ATRNL1: variants seen among roughly 807,000 people sequenced by gnomAD.
ATRNL1 encodes attractin-like protein 1.
A neutral mutation model predicts 182.7 loss-of-function variants in ATRNL1; 95 were observed. The observed-to-expected ratio is 0.52, with a 90% CI of 0.44 to 0.62. The LOEUF (loss-of-function observed/expected upper bound fraction) is 0.62, where lower values mean the gene tolerates loss of function less well. ATRNL1 is among the 20% of genes least tolerant of loss of function. The pLI is 0.00. For synonymous variants in ATRNL1, 576 were observed against 568.3 expected, an observed-to-expected ratio of 1.01 and a Z score of -0.19; for missense variants, 1,471 against 1,679.5, an observed-to-expected ratio of 0.88 and a Z score of 2.17.
At chr10:115,695,081 A>T (rs1946516847) in intron 26 of ATRNL1, among the ~76,000 whole-genome samples, 1 of 152,106 alleles carries the variant, frequency 6.6e-6, no homozygotes, top group Admixed American at 6.6e-5. Context: ...AATAAGGGTG[A>T]TACTTTCAAA....
At chr10:115,476,539 T>G (rs1848538083) in intron 24 of ATRNL1, among the ~76,000 whole-genome samples, 1 of 151,380 alleles carries the variant, frequency 6.6e-6, no homozygotes, top group Non-Finnish European at 1.5e-5. Context: ...TTGTCAGATT[T>G]TCTTCTTGTT....
chr10:115,184,103 A>G (rs748414521), intron 8 of ATRNL1, among the ~76,000 whole-genome samples: 3 of 151,512 alleles, frequency 2.0e-5, no homozygotes, highest in African/African-American at 7.2e-5. Context: ...AAGGATGACT[A>G]TTATGAAATA....
chr10:115,601,314 A>G (rs1856582957), intron 26 of ATRNL1, among the ~76,000 whole-genome samples: 1 of 152,192 alleles, frequency 6.6e-6, no homozygotes, highest in Non-Finnish European at 1.5e-5. Flanking sequence ...TATGATCTAC[A>G]TTCATGCATG....
intron 27 of ATRNL1, among the ~76,000 whole-genome samples, chr10:115,779,301 A>C (rs1949205207): frequency 6.6e-6 from 1 of 152,236 alleles, no homozygotes; most frequent in African/African-American, 2.4e-5. Flanking sequence ...AATGCCCAAC[A>C]TTCTCAATGT....
At chr10:115,848,610 A>G (rs1439896050) in intron 28 of ATRNL1, among the ~76,000 whole-genome samples, 2 of 152,198 alleles carry the variant, frequency 1.3e-5, no homozygotes, top group Non-Finnish European at 2.9e-5. Flanking sequence ...TTTTGATTTC[A>G]GGATAATTAT....
intron 25 of ATRNL1, among the ~76,000 whole-genome samples, chr10:115,520,746 C>T (rs1850884961): frequency 6.6e-6 from 1 of 152,166 alleles, no homozygotes; most frequent in South Asian, 2.1e-4. Flanking sequence ...TTCTCATTTC[C>T]ATTTACAGCC....
intron 25 of ATRNL1, among the ~76,000 whole-genome samples, chr10:115,545,910 G>T (rs1852625797): frequency 6.6e-6 from 1 of 152,134 alleles, no homozygotes. Flanking sequence ...TCAGGGGAAA[G>T]GGAAGAACTT....
chr10:115,364,819 C>T (rs1470301181), intron 19 of ATRNL1, among the ~76,000 whole-genome samples: 1 of 150,966 alleles, frequency 6.6e-6, no homozygotes, highest in Non-Finnish European at 1.5e-5. Flanking sequence ...TGCTGGATTA[C>T]ATTTATTGAT....
chr10:115,549,021 A>G (rs1185535914), intron 25 of ATRNL1, among the ~76,000 whole-genome samples: 1 of 152,112 alleles, frequency 6.6e-6, no homozygotes, highest in Non-Finnish European at 1.5e-5. Flanking sequence ...ATGTAATTTA[A>G]TATGTTCATA....
At position 115,093,584 on chromosome 10, in the gene ATRNL1, G is replaced by A. The variant is rs1554862109; in HGVS notation, c.-167G>A. On this transcript the variant is annotated 5_prime_UTR_variant, in exon 1 of 29. Transcript: ENST00000355044. This position sits in a 1 kb window ranked among gnomAD's most constrained non-coding sequence, Gnocchi z 6.1. ...CTGGAGGCAGCCGAGCGGAGGCGAC[G>A]GCGGTTGGGATCTGTCCCTCCTGAC... The A allele has an allele frequency of 3.8e-6, 3 of 784,358 alleles. No individual in the cohort carries two copies. The highest frequency in any genetic ancestry group is 4.2e-6 in the Non-Finnish European group (2 of 471,290). The allele number at this position is 784,358 out of a possible 1,614,324, so 48.6% of individuals were successfully genotyped here.
In ATRNL1 at chr10:115,791,920, G is replaced by T. The variant is rs115322152; in HGVS notation, c.3904-55957G>T. Among the ~76,000 whole-genome samples the T allele has an allele frequency of 2.3e-3, 348 of 152,206 alleles. 1 individual carries two copies. The highest frequency in any genetic ancestry group is 8.0e-3 in the African/African-American group (334 of 41,560). On this transcript the variant is annotated intron_variant, in intron 27 of 28. Coordinates refer to ENST00000355044, the MANE Select transcript of ATRNL1 (RefSeq NM_207303.4). ...AAATTTAAATAGTTATAGAGTTTCTGCTATTTGTTACCTATTCTAGTAACA... is the reference window on the plus strand; with the variant it reads ...AAATTTAAATAGTTATAGAGTTTCTTCTATTTGTTACCTATTCTAGTAACA...
chr10:115,903,823 A>AGGAGAT (rs1375870930), intron 28 of ATRNL1, among the ~76,000 whole-genome samples: 4 of 152,052 alleles, frequency 2.6e-5, no homozygotes, highest in Admixed American at 6.6e-5. Flanking sequence ...GAGAAGGAGA[A>AGGAGAT]GGCAGTGGCA....
chr10:115,161,076 G>A (rs1419696286), intron 6 of ATRNL1, among the ~76,000 whole-genome samples: 1 of 151,708 alleles, frequency 6.6e-6, no homozygotes, highest in Non-Finnish European at 1.5e-5. Flanking sequence ...TTTTGCATGG[G>A]TCATTCTTTA....
intron 20 of ATRNL1, among the ~76,000 whole-genome samples, chr10:115,416,949 T>A (rs1323891265): frequency 2.6e-5 from 4 of 152,158 alleles, no homozygotes; most frequent in Admixed American, 6.5e-5. Context: ...CTACTAATAT[T>A]TCTTCACAAC....
At chr10:115,332,163 C>A (rs1408558890) in intron 18 of ATRNL1, among the ~76,000 whole-genome samples, 1 of 152,156 alleles carries the variant, frequency 6.6e-6, no homozygotes, top group African/African-American at 2.4e-5. Flanking sequence ...CTCCGGCTTC[C>A]TCTTTTGAGT....
intron 26 of ATRNL1, among the ~76,000 whole-genome samples, chr10:115,620,231 G>A (rs1046193407): frequency 1.3e-5 from 2 of 152,020 alleles, no homozygotes; most frequent in South Asian, 2.1e-4. Flanking sequence ...GGTGGGAGAG[G>A]TCTCAGACTC....
chr10:115,774,527 T>C (rs1949074701), intron 27 of ATRNL1, among the ~76,000 whole-genome samples: 1 of 151,632 alleles, frequency 6.6e-6, no homozygotes, highest in African/African-American at 2.4e-5. Context: ...AAATTAAGCC[T>C]ATAAGAGTCT....
At chr10:115,437,079 G>A (rs1332708346) in intron 21 of ATRNL1, among the ~76,000 whole-genome samples, 1 of 151,988 alleles carries the variant, frequency 6.6e-6, no homozygotes, top group Non-Finnish European at 1.5e-5. Context: ...TTGAAGAAAT[G>A]ACTTGATAAG....
intron 28 of ATRNL1, among the ~76,000 whole-genome samples, chr10:115,934,012 A>G (rs2134601049): frequency 6.6e-6 from 1 of 152,186 alleles, no homozygotes; most frequent in East Asian, 1.9e-4. Flanking sequence ...TGTACTTGCT[A>G]ATGGCATGGG....
Sources: gnomAD v4.1 joint callset for allele counts (sites outside exome capture counted in the v4.1 genomes callset) on GRCh38, gnomAD v4.1.1 for gene constraint, Gnocchi (gnomAD v3.1) non-coding constraint, MANE v1.5 for transcripts, NCBI Gene and HGNC (gene_info 2026-07-23, HGNC 2026-07-21) for gene names.